The following MACROD2 variants were observed in gnomAD, a reference collection of about 807,000 sequenced individuals.
MACROD2 encodes ADP-ribose glycohydrolase MACROD2.
A neutral mutation model predicts 70.4 loss-of-function variants in MACROD2; 36 were observed. The ratio of observed to expected loss-of-function variants is 0.51; its 90% confidence interval spans 0.39 to 0.68. The LOEUF (loss-of-function observed/expected upper bound fraction) is 0.68, where lower values mean the gene tolerates loss of function less well. Ranked by LOEUF, MACROD2 falls within the 30% of genes least tolerant of loss-of-function variation. The probability of loss-of-function intolerance (pLI) is 0.00; values close to 1 mark genes in which losing one functional copy is unlikely to be tolerated. For missense variants in MACROD2, 496 were observed against 538.4 expected, an observed-to-expected ratio of 0.92 and a Z score of 0.78; for synonymous variants, 172 against 178.8, an observed-to-expected ratio of 0.96 and a Z score of 0.30.
chr20:15,978,446 T>C (rs1173626510), intron 13 of MACROD2, among the ~76,000 whole-genome samples: 1 of 152,172 alleles, frequency 6.6e-6, no homozygotes, highest in Non-Finnish European at 1.5e-5. Flanking sequence ...AGATGATATG[T>C]GGTAAAGTTA....
chr20:16,026,291 G>A (rs1484912350), intron 15 of MACROD2, among the ~76,000 whole-genome samples: 1 of 152,192 alleles, frequency 6.6e-6, no homozygotes, highest in East Asian at 1.9e-4. Flanking sequence ...GGAGGGGAGA[G>A]CCTCAGTACA....
intron 3 of MACROD2, among the ~76,000 whole-genome samples, chr20:14,248,498 G>A (rs1427372350): frequency 6.6e-6 from 1 of 152,222 alleles, no homozygotes; most frequent in Non-Finnish European, 1.5e-5. Context: ...CAGGAGAATC[G>A]CTTGAACCCG....
At chr20:14,047,702 G>A (rs1180494399) in intron 2 of MACROD2, among the ~76,000 whole-genome samples, 1 of 152,110 alleles carries the variant, frequency 6.6e-6, no homozygotes, top group African/African-American at 2.4e-5. Context: ...AAGTACAGCA[G>A]AAAGAGTTGA....
At chr20:14,631,641 G>A (rs900576579) in intron 4 of MACROD2, among the ~76,000 whole-genome samples, 11 of 152,130 alleles carry the variant, frequency 7.2e-5, no homozygotes, top group Non-Finnish European at 1.6e-4. Context: ...CAGGCATGGT[G>A]GCGGGCGCCT....
At chr20:15,583,014 A>G (rs1387295260) in intron 8 of MACROD2, among the ~76,000 whole-genome samples, 1 of 152,056 alleles carries the variant, frequency 6.6e-6, no homozygotes, top group Admixed American at 6.5e-5. Flanking sequence ...TAAGGCAAAA[A>G]TATGATTTCT....
chr20:15,948,692 C>G (rs1204803009), intron 12 of MACROD2, among the ~76,000 whole-genome samples: 1 of 152,136 alleles, frequency 6.6e-6, no homozygotes, highest in Non-Finnish European at 1.5e-5. Flanking sequence ...TGTTTATCTA[C>G]TATTTAATAT....
chr20:14,873,434 A>G (rs2073512511), intron 5 of MACROD2, among the ~76,000 whole-genome samples: 2 of 152,170 alleles, frequency 1.3e-5, no homozygotes, highest in South Asian at 4.1e-4. Context: ...GGCTCTGTGT[A>G]GGCCTTTATA....
chr20:16,032,732 GAGA>G (rs1258169322), intron 15 of MACROD2, among the ~76,000 whole-genome samples: 3 of 132,572 alleles, frequency 2.3e-5, no homozygotes, highest in Non-Finnish European at 4.7e-5. Context: ...GGAAGAAGGA[GAGA>G]AGAAGGGAAG....
At chr20:15,425,744 G>T (rs753091600) in intron 6 of MACROD2, among the ~76,000 whole-genome samples, 3 of 152,198 alleles carry the variant, frequency 2.0e-5, no homozygotes, top group Non-Finnish European at 4.4e-5. Context: ...GCTGAAGGTG[G>T]AGTCATTTCT....
intron 5 of MACROD2, among the ~76,000 whole-genome samples, chr20:14,856,381 A>G (rs188639909): frequency 2.6e-5 from 4 of 152,316 alleles, no homozygotes; most frequent in Admixed American, 2.6e-4. Flanking sequence ...CAGCATTCAA[A>G]AAAAGGGAGA....
At chr20:15,446,948 A>C (rs773050905) in intron 7 of MACROD2, among the ~76,000 whole-genome samples, 2 of 152,144 alleles carry the variant, frequency 1.3e-5, no homozygotes, top group Non-Finnish European at 2.9e-5. Flanking sequence ...AGTGATATGC[A>C]TCGAGTGATC....
chr20:14,878,769 A>G (rs1046129351), intron 5 of MACROD2, among the ~76,000 whole-genome samples: 5 of 152,076 alleles, frequency 3.3e-5, no homozygotes, highest in African/African-American at 1.2e-4. Context: ...TTAGTTTTCA[A>G]GGTTCTCCAT....
chr20:14,001,485 C>A (rs1019849410), intron 1 of MACROD2, among the ~76,000 whole-genome samples: 2 of 146,218 alleles, frequency 1.4e-5, no homozygotes, highest in East Asian at 2.1e-4. Context: ...TTTTTTTGTG[C>A]TCTTACTATT....
intron 8 of MACROD2, among the ~76,000 whole-genome samples, chr20:15,520,950 C>T (rs936302030): frequency 5.9e-5 from 9 of 152,236 alleles, no homozygotes; most frequent in African/African-American, 1.9e-4. Flanking sequence ...CCCTCAACTT[C>T]AGCCAGCCTT....
At chr20:15,778,197 A>G (rs1388090001) in intron 8 of MACROD2, among the ~76,000 whole-genome samples, 1 of 152,160 alleles carries the variant, frequency 6.6e-6, no homozygotes, top group Non-Finnish European at 1.5e-5. Context: ...CAAAAATTCA[A>G]GTCTAATTTA....
intron 5 of MACROD2, among the ~76,000 whole-genome samples, chr20:14,792,878 G>T (rs2072466441): frequency 6.6e-6 from 1 of 152,050 alleles, no homozygotes; most frequent in African/African-American, 2.4e-5. Context: ...TTTTGCAGTG[G>T]AAATGTTAGC....
chr20:14,131,601 A>G (rs2054719018), intron 3 of MACROD2, among the ~76,000 whole-genome samples: 1 of 152,192 alleles, frequency 6.6e-6, no homozygotes, highest in South Asian at 2.1e-4. Context: ...TATTCACACT[A>G]ATGGAAGGAG....
chr20:14,709,889 A>G (rs1320536243), intron 5 of MACROD2, among the ~76,000 whole-genome samples: 1 of 152,208 alleles, frequency 6.6e-6, no homozygotes, highest in African/African-American at 2.4e-5. Context: ...AAATGTAGCA[A>G]TTCCACATGT....
chr20:15,139,217 A>G (rs1343044489), intron 5 of MACROD2, among the ~76,000 whole-genome samples: 1 of 152,230 alleles, frequency 6.6e-6, no homozygotes, highest in African/African-American at 2.4e-5. Flanking sequence ...GTAGATTTTT[A>G]TGAGGAAAAC....
Sources: gnomAD v4.1 joint callset for allele counts (sites outside exome capture counted in the v4.1 genomes callset) on GRCh38, gnomAD v4.1.1 for gene constraint, MANE v1.5 for transcripts, NCBI Gene and HGNC (gene_info 2026-07-23, HGNC 2026-07-21) for gene names.